The following SYTL2 variants were observed in gnomAD, a reference collection of about 807,000 sequenced individuals.
SYTL2 encodes the protein synaptotagmin-like protein 2.
In SYTL2, 165 loss-of-function variants were observed where a neutral mutation model predicts 198.7. That is an observed-to-expected ratio of 0.83 (90% CI 0.73 to 0.94). SYTL2 has a LOEUF of 0.94. SYTL2 is among the 40% of genes least tolerant of loss of function. The probability of loss-of-function intolerance (pLI) is 0.00; values close to 1 mark genes in which losing one functional copy is unlikely to be tolerated. For missense variants in SYTL2, 2,835 were observed against 2,582.8 expected (o/e 1.10, Z -2.12); for synonymous variants, 966 against 917.7 (o/e 1.05, Z -0.95).
chr11:85,822,605 C>G, the SYTL2 span, among the ~76,000 whole-genome samples: 672 of 152,308 alleles, frequency 4.4e-3, 4 homozygotes, highest in African/African-American at 0.015. Context: ...CCCATTAGGT[C>G]AGGGAGTATC....
At chr11:85,742,360 CATT>C (rs1207727361) in intron 4 of SYTL2, among the ~76,000 whole-genome samples, 1 of 152,214 alleles carries the variant, frequency 6.6e-6, no homozygotes, top group Non-Finnish European at 1.5e-5. Context: ...AGTCAGGAAA[CATT>C]ATACCTCATT....
At chr11:85,843,109 C>T in the SYTL2 span, among the ~76,000 whole-genome samples, 20 of 152,296 alleles carry the variant, frequency 1.3e-4, 1 homozygote, top group East Asian at 3.9e-3. Context: ...CATGGTGGCT[C>T]ATGCCTATAA....
intron 17 of SYTL2, among the ~76,000 whole-genome samples, chr11:85,699,152 A>C (rs1446690480): frequency 6.6e-6 from 1 of 152,240 alleles, no homozygotes; most frequent in Non-Finnish European, 1.5e-5. Context: ...AATTCAAATA[A>C]AATGATAAAA....
At position 85,739,454 on chromosome 11, in the gene SYTL2, G is replaced by A. The variant is rs1198110633; in HGVS notation, c.390-1798C>T. ...CAGTTACCTTGTGGTTGGGATAGGGGCAAACTGGGATGAGGGGGGATACTC... is the reference window on the plus strand; with the variant it reads ...CAGTTACCTTGTGGTTGGGATAGGGACAAACTGGGATGAGGGGGGATACTC... On this transcript the variant is annotated intron_variant, in intron 4 of 19. Coordinates refer to ENST00000359152, the MANE Select transcript of SYTL2 (RefSeq NM_206927.4). Among the ~76,000 whole-genome samples the A allele has an allele frequency of 2.0e-5, 3 of 152,116 alleles. No homozygotes were observed. In the East Asian group the frequency reaches 5.8e-4, roughly 29 times the overall value.
intron 1 of SYTL2, among the ~76,000 whole-genome samples, chr11:85,795,374 C>G (rs992456300): frequency 6.6e-6 from 1 of 152,144 alleles, no homozygotes; most frequent in Admixed American, 6.5e-5. Flanking sequence ...GAACTGGGGT[C>G]TGGGCTGCTC....
intron 4 of SYTL2, 135 bp downstream of exon 4, chr11:85,745,500 TTC>T: frequency 1.2e-6 from 1 of 851,998 alleles, no homozygotes; most frequent in Admixed American, 2.5e-5. Flanking sequence ...GGGCCCAGAA[TTC>T]TCTCATACAC....
intron 4 of SYTL2, among the ~76,000 whole-genome samples, chr11:85,738,393 T>C (rs116058620): frequency 2.5e-3 from 386 of 152,158 alleles, no homozygotes; most frequent in African/African-American, 8.3e-3. Flanking sequence ...AGCAGAAGGA[T>C]ATAAAATACA....
chr11:85,768,116 C>T (rs967540691), intron 1 of SYTL2, among the ~76,000 whole-genome samples: 1 of 152,194 alleles, frequency 6.6e-6, no homozygotes, highest in Non-Finnish European at 1.5e-5. Flanking sequence ...AGGCACTTCA[C>T]CTGCCTCAGC....
At chr11:85,703,203 G>C (rs2084613990) in intron 16 of SYTL2, among the ~76,000 whole-genome samples, 1 of 151,922 alleles carries the variant, frequency 6.6e-6, no homozygotes, top group Admixed American at 6.6e-5. Flanking sequence ...GAAAATAGTG[G>C]GGCAAAAGTA....
the SYTL2 span, among the ~76,000 whole-genome samples, chr11:85,838,127 T>C: frequency 3.3e-5 from 5 of 152,316 alleles, no homozygotes; most frequent in Non-Finnish European, 1.5e-5. Context: ...GTTAAGCCTT[T>C]AGTGGTTCTG....
At position 85,757,735 on chromosome 11, in the gene SYTL2, T is replaced by G; in HGVS notation, c.-10A>C. 1.2e-6 allele frequency: 2 copies of G among 1,610,870 alleles called. No individual in the cohort carries two copies. Among genetic ancestry groups the G allele is most frequent in the Non-Finnish European group, 1.7e-6 (2 of 1,179,850 alleles). On this transcript the variant is annotated 5_prime_UTR_variant, in exon 2 of 20. Coordinates refer to ENST00000359152, the MANE Select transcript of SYTL2 (RefSeq NM_206927.4). ...AGCTTAAGTCAATCATTTTGAAAAG[T>G]GCATGCAAAAATAATAGCAACAAAT...
intron 1 of SYTL2, among the ~76,000 whole-genome samples, chr11:85,800,996 C>G (rs747513996): frequency 1.3e-5 from 2 of 152,210 alleles, no homozygotes; most frequent in Non-Finnish European, 2.9e-5. Context: ...ATCCGGAAAA[C>G]ATAAACACAG....
At position 85,726,126 on chromosome 11, in the gene SYTL2, T is replaced by C. The variant is rs747686164; in HGVS notation, c.3232A>G (p.Thr1078Ala). 6.2e-6 allele frequency: 10 copies of C among 1,614,122 alleles called. No homozygotes were observed. Among genetic ancestry groups the C allele is most frequent in the Admixed American group, 1.7e-5 (1 of 60,024 alleles). ...TFPLSPLRKY[T>A]YQLPGNESSK... ...GACTCATTTCCTGGCAACTGATAAG[T>C]ATACTTTCTAAGTGGACTCAAAGGA... Residue 1078 changes from threonine to alanine, a missense_variant, in exon 8 of 20, where the codon ACT (threonine) becomes GCT (alanine). This residue lies in a region of SYTL2 where 2,645 missense variants were observed against 2,381.7 expected (regional missense o/e 1.11). Coordinates refer to ENST00000359152, the MANE Select transcript of SYTL2 (RefSeq NM_206927.4).
chr11:85,746,859 C>T (rs528273429), intron 3 of SYTL2, among the ~76,000 whole-genome samples: 1 of 152,300 alleles, frequency 6.6e-6, no homozygotes, highest in South Asian at 2.1e-4. Context: ...TTTTGAAATC[C>T]TGGCTCTGCC....
chr11:85,696,732 A>ATT (rs2083463270), intron 18 of SYTL2, among the ~76,000 whole-genome samples: 1 of 152,210 alleles, frequency 6.6e-6, no homozygotes, highest in Non-Finnish European at 1.5e-5. Context: ...ATTAAATAAC[A>ATT]TATGCAAAAC....
intron 11 of SYTL2, among the ~76,000 whole-genome samples, chr11:85,715,827 C>A (rs2087128230): frequency 1.3e-5 from 2 of 152,132 alleles, no homozygotes; most frequent in Non-Finnish European, 2.9e-5. Flanking sequence ...AATGCAAAAA[C>A]TTTTTTGTTA....
In SYTL2 at chr11:85,737,654, G is replaced by A. The variant is rs1591822537; in HGVS notation, c.392C>T (p.Ser131Phe). The A allele has an allele frequency of 1.2e-6, 2 of 1,612,350 alleles. No individual in the cohort carries two copies. The highest frequency in any genetic ancestry group is 1.1e-5 in the South Asian group (1 of 90,996). The change falls in exon 5 of 20, where the codon TCC (serine) becomes TTC (phenylalanine). Residue 131 changes from serine to phenylalanine, a missense_variant and splice_region_variant. Coordinates refer to ENST00000359152, the MANE Select transcript of SYTL2 (RefSeq NM_206927.4). ...ACTGGAAGCTGGATTTACCACACTG[G>A]AACTGCAAAAGAAACAATAATTCAG... ...EEDAAPASPSSSVVNPASSVI... is the reference protein window; with the variant it reads ...EEDAAPASPSFSVVNPASSVI...
intron 4 of SYTL2, among the ~76,000 whole-genome samples, chr11:85,742,112 T>G (rs1188352903): frequency 1.3e-5 from 2 of 152,286 alleles, no homozygotes; most frequent in East Asian, 3.9e-4. Context: ...TTACTAGCCA[T>G]TACAAACCTC....
intron 3 of SYTL2, among the ~76,000 whole-genome samples, chr11:85,747,292 TA>T (rs34795415): frequency 4.8e-4 from 70 of 146,650 alleles, no homozygotes; most frequent in Middle Eastern, 3.5e-3. Context: ...CTATGTCTAT[TA>T]AAAAAAAAAA....
Sources: allele counts gnomAD v4.1 joint callset (sites outside exome capture counted in the v4.1 genomes callset), GRCh38; gene constraint gnomAD v4.1.1; regional missense constraint gnomAD v4.1.1; transcripts MANE v1.5; gene names NCBI Gene and HGNC (gene_info 2026-07-23, HGNC 2026-07-21).